Variants in SDK1 observed in about 807,000 individuals in gnomAD.
SDK1 encodes sidekick cell adhesion molecule 1.
Under a neutral mutation model 245.5 loss-of-function variants are expected in SDK1, and 157 were observed. The observed-to-expected ratio is 0.64, with a 90% CI of 0.56 to 0.73. The LOEUF is 0.73. Ranked by LOEUF, SDK1 falls within the 30% of genes least tolerant of loss-of-function variation. SDK1 has a pLI of 0.00. For synonymous variants in SDK1, 1,647 were observed against 1,278.5 expected, an observed-to-expected ratio of 1.29 and a Z score of -6.15; for missense variants, 3,583 against 3,002.3, an observed-to-expected ratio of 1.19 and a Z score of -4.52.
chr7:4,119,328 G>A (rs1350527659), intron 25 of SDK1, among the ~76,000 whole-genome samples: 1 of 147,964 alleles, frequency 6.8e-6, no homozygotes, highest in Non-Finnish European at 1.5e-5. Context: ...GGTAGCACAT[G>A]CCTGTAGTCC....
intron 17 of SDK1, among the ~76,000 whole-genome samples, chr7:4,035,879 T>C (rs922843832): frequency 2.0e-5 from 3 of 152,146 alleles, no homozygotes; most frequent in Admixed American, 6.5e-5. Flanking sequence ...TAGTTAAAGA[T>C]GGGAAAATTT....
chr7:3,745,356 AAGAAGTTGTAAAAATAATGCAC>A (rs1389298803), intron 4 of SDK1, among the ~76,000 whole-genome samples: 2 of 152,238 alleles, frequency 1.3e-5, no homozygotes, highest in African/African-American at 4.8e-5. Flanking sequence ...GTAGACTCAC[AAGAAGTTGTAAAAATAATGCAC>A]AGAATCCTAT....
At chr7:3,713,608 A>C (rs897536405) in intron 4 of SDK1, among the ~76,000 whole-genome samples, 3 of 152,184 alleles carry the variant, frequency 2.0e-5, no homozygotes, top group Non-Finnish European at 4.4e-5. Flanking sequence ...GAGGCTTTTC[A>C]AGAATACGTC....
intron 1 of SDK1, among the ~76,000 whole-genome samples, chr7:3,458,063 G>C (rs1780723613): frequency 1.3e-5 from 2 of 152,142 alleles, no homozygotes; most frequent in Non-Finnish European, 2.9e-5. Context: ...AGTGACACTT[G>C]GATTCTTTTT....
At chr7:3,968,004 C>A (rs1340204875) in intron 10 of SDK1, among the ~76,000 whole-genome samples, 1 of 152,226 alleles carries the variant, frequency 6.6e-6, no homozygotes, top group Non-Finnish European at 1.5e-5. Flanking sequence ...GTGCAAATGT[C>A]ACTCTTCTCT....
At chr7:3,617,005 T>C (rs1200656043) in intron 1 of SDK1, among the ~76,000 whole-genome samples, 1 of 152,212 alleles carries the variant, frequency 6.6e-6, no homozygotes, top group Non-Finnish European at 1.5e-5. Flanking sequence ...TATCTGGATT[T>C]AAATCATGAC....
At chr7:3,764,362 A>T (rs1438938783) in intron 4 of SDK1, among the ~76,000 whole-genome samples, 25 of 152,090 alleles carry the variant, frequency 1.6e-4, no homozygotes. Flanking sequence ...TGGCCCTATT[A>T]TTCTCCTGCG....
intron 1 of SDK1, among the ~76,000 whole-genome samples, chr7:3,612,862 C>G (rs772126839): frequency 3.3e-5 from 5 of 152,146 alleles, no homozygotes; most frequent in African/African-American, 9.7e-5. Flanking sequence ...TACAGCTCAT[C>G]GTCACTTCAC....
chr7:3,877,051 C>T (rs1781093640), intron 5 of SDK1, among the ~76,000 whole-genome samples: 2 of 152,126 alleles, frequency 1.3e-5, no homozygotes, highest in African/African-American at 4.8e-5. Context: ...TCAGAGGTGA[C>T]GTGGGCATAG....
intron 1 of SDK1, among the ~76,000 whole-genome samples, chr7:3,614,591 G>T (rs11979940): frequency 0.32 from 48,864 of 152,046 alleles, 8,018 homozygotes; most frequent in South Asian, 0.45. Context: ...CTTGAATACT[G>T]ATCCTTCTTT....
At chr7:3,629,920 T>C (rs1420548082) in intron 2 of SDK1, among the ~76,000 whole-genome samples, 2 of 152,158 alleles carry the variant, frequency 1.3e-5, no homozygotes, top group African/African-American at 2.4e-5. Context: ...GTATTGCATA[T>C]GATCAAAGTA....
At chr7:3,349,500 C>G (rs1026066194) in intron 1 of SDK1, among the ~76,000 whole-genome samples, 2 of 152,152 alleles carry the variant, frequency 1.3e-5, no homozygotes, top group Non-Finnish European at 2.9e-5. Flanking sequence ...GGCATGTGTT[C>G]TGCGGGGACC....
chr7:3,325,716 A>G (rs1779924223), intron 1 of SDK1, among the ~76,000 whole-genome samples: 1 of 152,178 alleles, frequency 6.6e-6, no homozygotes, highest in Non-Finnish European at 1.5e-5. Flanking sequence ...TTACAAAAGT[A>G]CCAGAAAAAT....
chr7:4,048,751 C>T (rs6962042), intron 17 of SDK1, among the ~76,000 whole-genome samples: 36,046 of 152,136 alleles, frequency 0.24, 5,958 homozygotes, highest in African/African-American at 0.48. Context: ...AGGGCATGCC[C>T]TGAAGGCAGT....
chr7:3,585,146 T>C (rs1234739722), intron 1 of SDK1, among the ~76,000 whole-genome samples: 3 of 152,224 alleles, frequency 2.0e-5, no homozygotes, highest in Non-Finnish European at 4.4e-5. Context: ...AATCCTTGCC[T>C]CAGCCTCTGC....
intron 4 of SDK1, among the ~76,000 whole-genome samples, chr7:3,689,193 C>G (rs1386767140): frequency 6.6e-6 from 1 of 152,166 alleles, no homozygotes; most frequent in Non-Finnish European, 1.5e-5. Flanking sequence ...CACCCTCTTT[C>G]CTAAGAACGT....
At chr7:3,399,401 C>T (rs574041035) in intron 1 of SDK1, among the ~76,000 whole-genome samples, 33 of 152,144 alleles carry the variant, frequency 2.2e-4, no homozygotes, top group Middle Eastern at 6.8e-3. Flanking sequence ...TTAAAGTTTA[C>T]GTCTTAAGTT....
chr7:3,425,644 G>A lies in SDK1; in HGVS notation c.298+123760G>A, dbSNP rs190228575. 1.8e-3 allele frequency among the ~76,000 whole-genome samples: 269 copies of A among 152,302 alleles called. 2 individuals are homozygous for A. Among genetic ancestry groups the A allele is most frequent in the Non-Finnish European group, 2.3e-3 (154 of 68,026 alleles). ...ACAACTGTATTCAAGGTTTAGGCAGGAGAAGGAAAATGATAGAAATGTATT... is the reference window on the plus strand; with the variant it reads ...ACAACTGTATTCAAGGTTTAGGCAGAAGAAGGAAAATGATAGAAATGTATT... On this transcript the variant is annotated intron_variant, in intron 1 of 44. Transcript: ENST00000404826.
chr7:4,136,117 A>G (rs1779072172), intron 28 of SDK1, among the ~76,000 whole-genome samples: 1 of 152,096 alleles, frequency 6.6e-6, no homozygotes, highest in African/African-American at 2.4e-5. Context: ...GAGCCCTCCA[A>G]CCGTGCTGAA....
Sources: allele counts gnomAD v4.1 joint callset (sites outside exome capture counted in the v4.1 genomes callset), GRCh38; gene constraint gnomAD v4.1.1; transcripts MANE v1.5; gene names NCBI Gene and HGNC (gene_info 2026-07-23, HGNC 2026-07-21).